Variants in GPM6A observed in about 807,000 individuals in gnomAD.
GPM6A encodes glycoprotein M6A.
In GPM6A, 7 loss-of-function variants were observed where a neutral mutation model predicts 32.1. That is an observed-to-expected ratio of 0.22 (90% CI 0.12 to 0.41). The LOEUF (loss-of-function observed/expected upper bound fraction) is 0.41. Among genes scored for constraint, GPM6A ranks in the 10% least tolerant of loss-of-function variants. GPM6A has a pLI of 1.00. For synonymous variants in GPM6A, 130 were observed against 123.4 expected (o/e 1.05, Z -0.35); for missense variants, 235 against 347.2 (o/e 0.68, Z 2.57).
chr4:176,002,291 G>T, intron 1 of GPM6A: 2 of 1,599,344 alleles, frequency 1.3e-6, no homozygotes, highest in Non-Finnish European at 1.7e-6. Flanking sequence ...AGGTGTACGC[G>T]CCCGCCCGCG....
At chr4:175,874,696 C>A (rs1056796596) in intron 1 of GPM6A, among the ~76,000 whole-genome samples, 1 of 151,590 alleles carries the variant, frequency 6.6e-6, no homozygotes, top group Non-Finnish European at 1.5e-5. Flanking sequence ...AGACTGAAGA[C>A]GAGAAAGGAA....
At chr4:175,851,714 G>T (rs79592217) in intron 1 of GPM6A, among the ~76,000 whole-genome samples, 4,681 of 152,262 alleles carry the variant, frequency 0.031, 216 homozygotes, top group African/African-American at 0.11. Context: ...GGCACAATAT[G>T]CAAATCAGTT....
At chr4:175,881,717 C>T (rs1041010134) in intron 1 of GPM6A, among the ~76,000 whole-genome samples, 3 of 152,050 alleles carry the variant, frequency 2.0e-5, no homozygotes, top group Non-Finnish European at 4.4e-5. Context: ...AGCTGGAAAC[C>T]ATCATTCTCA....
chr4:175,930,692 T>G (rs1739011092), intron 1 of GPM6A, among the ~76,000 whole-genome samples: 1 of 152,062 alleles, frequency 6.6e-6, no homozygotes, highest in Non-Finnish European at 1.5e-5. Flanking sequence ...CTATCAAGAA[T>G]CCTGGCATTT....
intron 1 of GPM6A, among the ~76,000 whole-genome samples, chr4:175,897,291 C>G (rs563727016): frequency 6.6e-6 from 1 of 152,204 alleles, no homozygotes; most frequent in African/African-American, 2.4e-5. Flanking sequence ...AGAGGTGCCA[C>G]TGAAGTCAGA....
At chr4:175,715,908 A>C (rs894553258) in intron 1 of GPM6A, among the ~76,000 whole-genome samples, 1 of 152,082 alleles carries the variant, frequency 6.6e-6, no homozygotes, top group Non-Finnish European at 1.5e-5. Context: ...TCTACTAAAT[A>C]TACAAAATTA....
chr4:175,815,398 T>C (rs1735066126), upstream of GPM6A, among the ~76,000 whole-genome samples: 1 of 152,228 alleles, frequency 6.6e-6, no homozygotes, highest in South Asian at 2.1e-4. Flanking sequence ...GAACCTCCAG[T>C]ATCTTAAACT....
At chr4:175,948,958 A>AGTGTGT (rs34417872) in intron 1 of GPM6A, among the ~76,000 whole-genome samples, 5,306 of 144,730 alleles carry the variant, frequency 0.037, 135 homozygotes, top group Non-Finnish European at 0.048. Context: ...TTTGGTGGTA[A>AGTGTGT]GTGTGTGTGT....
chr4:175,838,461 A>G (rs746808833), intron 1 of GPM6A, among the ~76,000 whole-genome samples: 11 of 151,000 alleles, frequency 7.3e-5, no homozygotes, highest in Non-Finnish European at 3.0e-5. Context: ...TTTTCTGTCT[A>G]CTGCACTAAA....
At chr4:175,987,523 T>TG (rs1741013250) in intron 1 of GPM6A, among the ~76,000 whole-genome samples, 2 of 111,404 alleles carry the variant, frequency 1.8e-5, no homozygotes, top group East Asian at 2.8e-4. Flanking sequence ...CTAAAGTGTG[T>TG]TTGTGTGTGT....
intron 1 of GPM6A, among the ~76,000 whole-genome samples, chr4:175,774,988 TC>T (rs1289370715): frequency 1.3e-5 from 2 of 152,102 alleles, no homozygotes; most frequent in African/African-American, 4.8e-5. Context: ...AAAATATTAG[TC>T]AATATGGATG....
chr4:175,790,377 T>G (rs966117038), intron 1 of GPM6A: 1 of 152,194 alleles, frequency 6.6e-6, no homozygotes, highest in African/African-American at 2.4e-5. Flanking sequence ...GGCTAACACA[T>G]TAATGAGATT....
intron 1 of GPM6A, among the ~76,000 whole-genome samples, chr4:175,904,613 C>T (rs570363244): frequency 1.1e-3 from 174 of 152,124 alleles, no homozygotes; most frequent in African/African-American, 4.0e-3. Context: ...AAAGGATGAA[C>T]GTTTGGAGAT....
intron 3 of GPM6A, among the ~76,000 whole-genome samples, chr4:175,668,006 G>T (rs1014457136): frequency 6.6e-6 from 1 of 151,962 alleles, no homozygotes; most frequent in Non-Finnish European, 1.5e-5. Context: ...TTCCATTTCT[G>T]GCTGTTGTAA....
rs529602654 is a variant in GPM6A at position 175,927,277 on chromosome 4, C to A, written c.-23+75032G>T. On this transcript the variant is annotated intron_variant, in intron 1 of 7. Transcript: ENST00000280187. Reference sequence around the variant, plus strand: ...TCCAGTCATTTCTGAAAGCACTGAACTATTCACTGACCACAGTTCAAGTAC... The same window carrying A: ...TCCAGTCATTTCTGAAAGCACTGAAATATTCACTGACCACAGTTCAAGTAC... 2.6e-5 allele frequency among the ~76,000 whole-genome samples: 4 copies of A among 152,366 alleles called. No individual in the cohort carries two copies. The South Asian group carries it at 8.3e-4, about 32-fold the overall frequency.
chr4:175,890,487 AATTTTATTTTATTTTATTTTATTTT>A (rs56214315), intron 1 of GPM6A, among the ~76,000 whole-genome samples: 2 of 127,664 alleles, frequency 1.6e-5, no homozygotes, highest in African/African-American at 5.2e-5. Flanking sequence ...TGTTTAGAGC[AATTTTATTTTATTTTATTTTATTTT>A]ATTTTATTTT....
chr4:175,905,113 T>C (rs1012203782), intron 1 of GPM6A, among the ~76,000 whole-genome samples: 1 of 152,044 alleles, frequency 6.6e-6, no homozygotes, highest in Non-Finnish European at 1.5e-5. Context: ...CAACAAACTG[T>C]GGAAGTGACA....
At chr4:175,667,239 G>A (rs1046552474) in intron 3 of GPM6A, among the ~76,000 whole-genome samples, 2 of 152,084 alleles carry the variant, frequency 1.3e-5, no homozygotes, top group African/African-American at 2.4e-5. Context: ...TTCAGTAAAA[G>A]TATTTTAGAC....
At chr4:175,968,326 G>A (rs1353310321) in intron 1 of GPM6A, among the ~76,000 whole-genome samples, 1 of 152,104 alleles carries the variant, frequency 6.6e-6, no homozygotes, top group Non-Finnish European at 1.5e-5. Context: ...AATATCTTAG[G>A]GGATGACATA....
Sources: allele counts gnomAD v4.1 joint callset (sites outside exome capture counted in the v4.1 genomes callset), GRCh38; gene constraint gnomAD v4.1.1; transcripts MANE v1.5; gene names NCBI Gene and HGNC (gene_info 2026-07-23, HGNC 2026-07-21).